The following DNAH7 variants were observed in gnomAD, a reference collection of about 807,000 sequenced individuals.
DNAH7 encodes the protein axonemal beta dynein heavy chain 7.
DNAH7 carries 397 observed loss-of-function variants against 444.6 expected under a neutral mutation model. That is an observed-to-expected ratio of 0.89 (90% CI 0.82 to 0.97). DNAH7 has a LOEUF of 0.97. Ranked by LOEUF, DNAH7 falls within the 50% of genes least tolerant of loss-of-function variation. The probability of loss-of-function intolerance (pLI) is 0.00; values close to 1 mark genes in which losing one functional copy is unlikely to be tolerated. For synonymous variants in DNAH7, 1,636 were observed against 1,624.4 expected (o/e 1.01, Z -0.17); for missense variants, 4,902 against 4,800.8 (o/e 1.02, Z -0.62).
At chr2:195,871,190 A>ATT (rs1700664652) in intron 40 of DNAH7, among the ~76,000 whole-genome samples, 2 of 152,224 alleles carry the variant, frequency 1.3e-5, no homozygotes, top group African/African-American at 4.8e-5. Flanking sequence ...TTCAAACTGT[A>ATT]TATCTAAAAA....
At chr2:195,903,394 A>G (rs951898907) in intron 27 of DNAH7, 1 of 152,112 alleles carries the variant, frequency 6.6e-6, no homozygotes, top group East Asian at 1.9e-4. Flanking sequence ...CCTCAATACT[A>G]TTAGTGTTTC....
intron 12 of DNAH7, among the ~76,000 whole-genome samples, chr2:195,992,506 GTTTT>G (rs1186310451): frequency 4.6e-5 from 7 of 152,202 alleles, no homozygotes; most frequent in African/African-American, 1.2e-4. Flanking sequence ...GGGCTTTTGT[GTTTT>G]TTTGTTTGTT....
At chr2:196,055,770 G>C (rs911417531) in intron 2 of DNAH7, among the ~76,000 whole-genome samples, 3 of 152,176 alleles carry the variant, frequency 2.0e-5, no homozygotes, top group African/African-American at 7.2e-5. Flanking sequence ...GACATCTATT[G>C]TCCTGGAGTC....
intron 63 of DNAH7, among the ~76,000 whole-genome samples, chr2:195,744,134 C>A (rs988098066): frequency 9.9e-5 from 15 of 152,226 alleles, no homozygotes; most frequent in Non-Finnish European, 1.5e-5. Flanking sequence ...ACAGACACCA[C>A]CTGGAAAATC....
intron 12 of DNAH7, among the ~76,000 whole-genome samples, chr2:195,991,227 G>A (rs1205681751): frequency 2.6e-5 from 4 of 151,568 alleles, no homozygotes; most frequent in African/African-American, 9.7e-5. Context: ...TCCCAATTTT[G>A]GGAGAAATAT....
At chr2:195,889,429 C>T (rs879921750) in intron 31 of DNAH7, among the ~76,000 whole-genome samples, 1 of 151,916 alleles carries the variant, frequency 6.6e-6, no homozygotes, top group Non-Finnish European at 1.5e-5. Flanking sequence ...AATCCTCCTG[C>T]CTCAGCTCCC....
chr2:195,838,367 T>C (rs1427854807), intron 47 of DNAH7, among the ~76,000 whole-genome samples: 3 of 151,890 alleles, frequency 2.0e-5, no homozygotes, highest in African/African-American at 7.3e-5. Context: ...ATAGACAGAT[T>C]TGAAATTACC....
chr2:195,868,235 T>G (rs940209229), intron 40 of DNAH7, among the ~76,000 whole-genome samples: 1 of 151,724 alleles, frequency 6.6e-6, no homozygotes, highest in Non-Finnish European at 1.5e-5. Context: ...TAGCTGGGAC[T>G]ACAGGTGCCC....
At position 195,884,667 on chromosome 2, in the gene DNAH7, C is replaced by T. The variant is rs200095433; in HGVS notation, c.5681G>A (p.Gly1894Asp). The change falls in exon 35 of 65, where the codon GGT (glycine) becomes GAT (aspartate). Residue 1894 changes from glycine to aspartate, a missense_variant. Transcript: ENST00000312428. The part of the protein sequence containing the change: ...RTRNTFKLQS[G>D]TEQTSSKALT... The stretch of plus-strand genomic sequence containing the variant: ...TGCCTTTGAGGATGTTTGCTCAGTA[C>T]CACTCTGTAATTTAAACGTATTTCG... The T allele has an allele frequency of 7.4e-6, 12 of 1,614,004 alleles. No individual in the cohort carries two copies. Among genetic ancestry groups the T allele is most frequent in the South Asian group, 3.3e-5 (3 of 91,080 alleles).
At chr2:195,897,009 G>A (rs1456355467) in intron 29 of DNAH7, among the ~76,000 whole-genome samples, 1 of 152,114 alleles carries the variant, frequency 6.6e-6, no homozygotes, top group East Asian at 1.9e-4. Flanking sequence ...GTAACACACT[G>A]CAAGCTAACT....
intron 46 of DNAH7, among the ~76,000 whole-genome samples, chr2:195,850,081 G>A (rs1699260741): frequency 6.6e-6 from 1 of 152,214 alleles, no homozygotes; most frequent in Admixed American, 6.5e-5. Flanking sequence ...TCAGCTTAGA[G>A]TTGACAGGTA....
At chr2:196,038,212 A>G (rs1696515884) in intron 5 of DNAH7, among the ~76,000 whole-genome samples, 1 of 152,162 alleles carries the variant, frequency 6.6e-6, no homozygotes, top group African/African-American at 2.4e-5. Context: ...ACAAATAAAA[A>G]CTGAGCAAAT....
intron 12 of DNAH7, 69 bp from the exon 13 acceptor site, chr2:195,988,298 AAACGCCAATCTTAC>A: frequency 7.7e-7 from 1 of 1,301,568 alleles, no homozygotes; most frequent in Non-Finnish European, 1.0e-6. Flanking sequence ...ATCTTTGTAC[AAACGCCAATCTTAC>A]AATGTTTCTT....
chr2:195,848,602 T>C (rs945685022), intron 46 of DNAH7, among the ~76,000 whole-genome samples: 12 of 152,362 alleles, frequency 7.9e-5, no homozygotes, highest in African/African-American at 2.9e-4. Context: ...CTGTTAGTTA[T>C]AGCTCCAAAT....
chr2:195,936,995 TC>T (rs1022368423), intron 19 of DNAH7, among the ~76,000 whole-genome samples: 3 of 152,094 alleles, frequency 2.0e-5, no homozygotes, highest in Non-Finnish European at 4.4e-5. Flanking sequence ...ATTGATTTAA[TC>T]CTCAGCCCTG....
chr2:196,004,201 A>C (rs974158002), intron 10 of DNAH7, among the ~76,000 whole-genome samples: 2 of 152,198 alleles, frequency 1.3e-5, no homozygotes, highest in African/African-American at 4.8e-5. Context: ...TTTAAGACTC[A>C]TCGAGCAGTG....
At chr2:195,745,368 T>A (rs1290227253) in intron 63 of DNAH7, among the ~76,000 whole-genome samples, 1 of 152,162 alleles carries the variant, frequency 6.6e-6, no homozygotes, top group Non-Finnish European at 1.5e-5. Flanking sequence ...AAAGACCAAA[T>A]CTACGTCTCA....
chr2:195,815,758 T>G (rs1697187396), intron 51 of DNAH7, among the ~76,000 whole-genome samples: 1 of 151,762 alleles, frequency 6.6e-6, no homozygotes, highest in African/African-American at 2.4e-5. Context: ...ATCCCAGCAT[T>G]TTGGGAGGCC....
chr2:195,817,747 T>A lies in DNAH7; in HGVS notation c.9374A>T (p.Asp3125Val). The change falls in exon 50 of 65, where the codon GAC becomes GTC. Residue 3125 changes from aspartate (D) to valine (V), a missense_variant. Asp to Val is a radical substitution (Grantham distance 152, BLOSUM62 -3). Transcript: ENST00000312428. ...CAAGGCTTGCTTTTCTTCTTCAAGGTCTGGCCTTTCTTGTGCCACCACAAT... is the reference window on the plus strand; with the variant it reads ...CAAGGCTTGCTTTTCTTCTTCAAGGACTGGCCTTTCTTGTGCCACCACAAT... The part of the protein sequence containing the change: ...LGIVVAQERP[D>V]LEEEKQALIL... 1 of 1,613,420 alleles carries A rather than the reference T, an allele frequency of 6.2e-7. No individual in the cohort carries two copies. The highest frequency in any genetic ancestry group is 1.7e-5 in the Admixed American group (1 of 59,944).
Sources: gnomAD v4.1 joint callset for allele counts (sites outside exome capture counted in the v4.1 genomes callset) on GRCh38, gnomAD v4.1.1 for gene constraint, MANE v1.5 for transcripts, NCBI Gene and HGNC (gene_info 2026-07-23, HGNC 2026-07-21) for gene names.